The following PROM1 variants were observed in gnomAD, a reference collection of about 807,000 sequenced individuals.
The protein encoded by PROM1 is prominin 1.
PROM1 carries 105 observed loss-of-function variants against 116.9 expected under a neutral mutation model. The observed-to-expected ratio is 0.90, with a 90% CI of 0.77 to 1.06. The LOEUF (loss-of-function observed/expected upper bound fraction) is 1.06. PROM1 is among the 50% of genes least tolerant of loss of function. The pLI, the probability that PROM1 is intolerant of heterozygous loss-of-function variation, is 0.00. For synonymous variants in PROM1, 393 were observed against 387.0 expected (o/e 1.02, Z -0.18); for missense variants, 1,122 against 1,045.2 (o/e 1.07, Z -1.01).
chr4:16,003,033 T>A (rs1724269423), intron 13 of PROM1, among the ~76,000 whole-genome samples: 2 of 152,176 alleles, frequency 1.3e-5, no homozygotes, highest in Admixed American at 1.3e-4. Context: ...ACCTAAAATA[T>A]TTATTACTTG....
chr4:16,073,773 T>C (rs949737767), intron 2 of PROM1, among the ~76,000 whole-genome samples: 5 of 152,222 alleles, frequency 3.3e-5, no homozygotes, highest in East Asian at 1.9e-4. Flanking sequence ...TCTAACAATG[T>C]TGTTGCAGTT....
intron 2 of PROM1, among the ~76,000 whole-genome samples, chr4:16,073,917 C>A (rs1307284144): frequency 6.6e-6 from 1 of 151,980 alleles, no homozygotes; most frequent in Non-Finnish European, 1.5e-5. Flanking sequence ...CCAATCAAAT[C>A]TAAAGGGACC....
chr4:16,000,656 A>C, intron 13 of PROM1, 37 bp from the exon 14 acceptor site: 1 of 1,479,356 alleles, frequency 6.8e-7, no homozygotes, highest in Middle Eastern at 1.8e-4. Context: ...TCAACAAAGA[A>C]TGATTCAATA....
At chr4:16,081,817 C>A (rs1216118593) in intron 1 of PROM1, among the ~76,000 whole-genome samples, 1 of 151,436 alleles carries the variant, frequency 6.6e-6, no homozygotes, top group African/African-American at 2.4e-5. Flanking sequence ...GAAACTGTCT[C>A]GTATAAAAAT....
At chr4:15,997,224 A>G (rs1722536020) in intron 15 of PROM1, among the ~76,000 whole-genome samples, 1 of 150,936 alleles carries the variant, frequency 6.6e-6, no homozygotes, top group Non-Finnish European at 1.5e-5. Flanking sequence ...TGAAACATAT[A>G]TATATATATG....
At chr4:16,081,646 A>G (rs1745070166) in intron 1 of PROM1, among the ~76,000 whole-genome samples, 1 of 152,182 alleles carries the variant, frequency 6.6e-6, no homozygotes, top group Non-Finnish European at 1.5e-5. Context: ...CTCAGCTTCC[A>G]CTGTTTTAAC....
At chr4:16,020,635 A>G (rs1729613831) in intron 8 of PROM1, among the ~76,000 whole-genome samples, 1 of 152,156 alleles carries the variant, frequency 6.6e-6, no homozygotes, top group Non-Finnish European at 1.5e-5. Flanking sequence ...TGACTTCAGG[A>G]TAAGTTATCT....
rs138587654 is a variant in PROM1, at chr4:16,031,812, G to A, written c.509+1492C>T. On this transcript the variant is annotated intron_variant, in intron 5 of 27. Transcript: ENST00000447510. ...TTGTTTACACACATATATAGTTAAG[G>A]TCGATTATTCCACTATTATGAGCAA... 8.0e-3 allele frequency among the ~76,000 whole-genome samples: 1,225 copies of A among 152,236 alleles called. 9 individuals carry two copies. Among genetic ancestry groups the A allele is most frequent in the Middle Eastern group, 0.058 (17 of 294 alleles).
intron 2 of PROM1, among the ~76,000 whole-genome samples, chr4:16,075,337 C>A (rs1227470959): frequency 2.0e-5 from 3 of 152,148 alleles, no homozygotes; most frequent in Admixed American, 6.5e-5. Flanking sequence ...TTTGATGACA[C>A]ACAATTTGCA....
chr4:15,989,178 C>T (rs1280139942), intron 19 of PROM1, among the ~76,000 whole-genome samples: 2 of 152,084 alleles, frequency 1.3e-5, no homozygotes, highest in South Asian at 2.1e-4. Flanking sequence ...GAGCCAGAAG[C>T]AGAATTTAAA....
chr4:16,044,865 T>C (rs1437490841), intron 2 of PROM1, among the ~76,000 whole-genome samples: 2 of 152,110 alleles, frequency 1.3e-5, no homozygotes, highest in African/African-American at 4.8e-5. Flanking sequence ...CAAGTAGAAC[T>C]GACAAGCCCA....
chr4:15,972,163 C>G (rs4698435), intron 26 of PROM1, among the ~76,000 whole-genome samples: 8,609 of 152,208 alleles, frequency 0.057, 464 homozygotes, highest in East Asian at 0.18. Flanking sequence ...CTCCTCCAGA[C>G]AGTATATCCA....
At chr4:16,000,048 G>A (rs16892757) in intron 14 of PROM1, among the ~76,000 whole-genome samples, 1,826 of 152,270 alleles carry the variant, frequency 0.012, 35 homozygotes, top group African/African-American at 0.041. Flanking sequence ...CGAGTCATCC[G>A]CTTATCAGTC....
intron 11 of PROM1, among the ~76,000 whole-genome samples, chr4:16,011,174 A>T (rs560031003): frequency 1.1e-4 from 16 of 152,140 alleles, no homozygotes; most frequent in African/African-American, 3.9e-4. Flanking sequence ...CTCTCTTGGC[A>T]TATACCCTCT....
At chr4:16,061,114 T>C (rs570748036) in intron 2 of PROM1, among the ~76,000 whole-genome samples, 1 of 152,200 alleles carries the variant, frequency 6.6e-6, no homozygotes, top group African/African-American at 2.4e-5. Flanking sequence ...TAACAAGCAG[T>C]TATCTTGGAA....
intron 19 of PROM1, 82 bp from the exon 20 acceptor site, chr4:15,987,798 A>T: frequency 8.7e-7 from 1 of 1,145,248 alleles, no homozygotes; most frequent in Non-Finnish European, 1.3e-6. Context: ...TTCCCACAAG[A>T]TAGCCATCAA....
At chr4:16,066,344 C>T (rs1741530379) in intron 2 of PROM1, among the ~76,000 whole-genome samples, 1 of 152,138 alleles carries the variant, frequency 6.6e-6, no homozygotes, top group African/African-American at 2.4e-5. Context: ...CTACCAAGCG[C>T]TATTCTAAAT....
chr4:16,049,410 T>C (rs16892886), intron 2 of PROM1, among the ~76,000 whole-genome samples: 11,143 of 152,208 alleles, frequency 0.073, 649 homozygotes, highest in East Asian at 0.18. Flanking sequence ...GAAGGGGAAA[T>C]GATTTTCCTT....
rs781143726 is a variant in PROM1, at chr4:16,023,312, T to C, written c.784+14A>G. 1.1e-5 allele frequency: 18 copies of C among 1,570,454 alleles called. No homozygotes were observed. The South Asian group carries it at 2.0e-4, about 17-fold the overall frequency. ...GGATGGAACTTTCTTTGGTCATTTTTGCCCACTGCTTACCTGTTGCCATGG... is the reference window on the plus strand; with the variant it reads ...GGATGGAACTTTCTTTGGTCATTTTCGCCCACTGCTTACCTGTTGCCATGG... On this transcript the variant is annotated intron_variant, in intron 8 of 27. Transcript: ENST00000447510.
Sources: gnomAD v4.1 joint callset for allele counts (sites outside exome capture counted in the v4.1 genomes callset) on GRCh38, gnomAD v4.1.1 for gene constraint, MANE v1.5 for transcripts, NCBI Gene and HGNC (gene_info 2026-07-23, HGNC 2026-07-21) for gene names.